Variants in SNTB1 observed in about 807,000 individuals in gnomAD.
SNTB1 encodes the protein syntrophin beta 1, also known as beta-1-syntrophin.
A neutral mutation model predicts 48.9 loss-of-function variants in SNTB1; 36 were observed. That is an observed-to-expected ratio of 0.74 (90% CI 0.56 to 0.97). The LOEUF is 0.97. Among genes scored for constraint, SNTB1 ranks in the 50% least tolerant of loss-of-function variants. SNTB1 has a pLI of 0.00. For missense variants in SNTB1, 786 were observed against 703.4 expected, an observed-to-expected ratio of 1.12 and a Z score of -1.33; for synonymous variants, 299 against 294.6, an observed-to-expected ratio of 1.01 and a Z score of -0.15.
At chr8:120,810,725 G>C (rs899388363) in intron 1 of SNTB1, among the ~76,000 whole-genome samples, 3 of 152,148 alleles carry the variant, frequency 2.0e-5, no homozygotes, top group African/African-American at 7.2e-5. Flanking sequence ...GATAGTCGGA[G>C]TTTTAGCATT....
chr8:120,706,582 A>C (rs997992849), intron 1 of SNTB1, among the ~76,000 whole-genome samples: 9 of 152,234 alleles, frequency 5.9e-5, no homozygotes, highest in African/African-American at 2.2e-4. Context: ...TAACTATTTT[A>C]ACAGCTATAC....
intron 1 of SNTB1, among the ~76,000 whole-genome samples, chr8:120,751,243 G>A (rs1289605795): frequency 6.6e-6 from 1 of 152,060 alleles, no homozygotes; most frequent in African/African-American, 2.4e-5. Flanking sequence ...AATTTTGATG[G>A]AAATCTGATA....
At chr8:120,715,577 G>A (rs1309241447) in intron 1 of SNTB1, among the ~76,000 whole-genome samples, 2 of 152,124 alleles carry the variant, frequency 1.3e-5, no homozygotes, top group African/African-American at 2.4e-5. Flanking sequence ...ATGCCTAGAA[G>A]GTATTATAAA....
intron 1 of SNTB1, among the ~76,000 whole-genome samples, chr8:120,785,439 G>A (rs1039842597): frequency 1.4e-4 from 21 of 152,202 alleles, no homozygotes; most frequent in African/African-American, 4.3e-4. Context: ...CGTGGGAGCT[G>A]AGTGCAGCTT....
intron 3 of SNTB1, among the ~76,000 whole-genome samples, chr8:120,598,879 G>A (rs973098650): frequency 4.6e-5 from 7 of 151,914 alleles, no homozygotes; most frequent in African/African-American, 1.2e-4. Context: ...TGCTTCCATC[G>A]CACGGCTCCT....
At chr8:120,709,557 A>G (rs796197471) in intron 1 of SNTB1, among the ~76,000 whole-genome samples, 13 of 152,328 alleles carry the variant, frequency 8.5e-5, no homozygotes, top group African/African-American at 3.1e-4. Context: ...AGGGTTTTAC[A>G]TAGATTACAT....
intron 3 of SNTB1, among the ~76,000 whole-genome samples, chr8:120,575,571 T>C (rs767234419): frequency 7.9e-5 from 12 of 152,212 alleles, no homozygotes; most frequent in African/African-American, 2.4e-4. Context: ...ACTGGTACAG[T>C]AGCATTTTTT....
At chr8:120,742,842 G>A (rs1041487474) in intron 1 of SNTB1, among the ~76,000 whole-genome samples, 1 of 152,160 alleles carries the variant, frequency 6.6e-6, no homozygotes, top group Non-Finnish European at 1.5e-5. Flanking sequence ...TCTGGGTCTT[G>A]CAGAGAGTGG....
intron 2 of SNTB1, among the ~76,000 whole-genome samples, chr8:120,662,974 G>A (rs1563845106): frequency 2.2e-5 from 3 of 135,172 alleles, no homozygotes; most frequent in African/African-American, 8.0e-5. Flanking sequence ...ACTTCAAAGA[G>A]CTCACTGTCC....
chr8:120,571,489 T>TG lies in SNTB1; in HGVS notation c.1136+3596_1136+3597insC, dbSNP rs1394945618. The TG allele has an allele frequency of 1.9e-3, 113 of 58,278 alleles. 4 individuals are homozygous for TG. The highest frequency in any genetic ancestry group is 8.3e-3 in the African/African-American group (107 of 12,852). 3.6% of individuals were successfully genotyped at this position (58,278 alleles called of 1,614,324 possible). On this transcript the variant is annotated intron_variant, in intron 4 of 6. Coordinates refer to ENST00000517992, the MANE Select transcript of SNTB1 (RefSeq NM_021021.4). Reference sequence around the variant, plus strand: ...TTCTGACTATTGAGGGTTTTTTTTTTTTTTTTTTTTTTTTTTTTTTTTTTT... The same window carrying TG: ...TTCTGACTATTGAGGGTTTTTTTTTTGTTTTTTTTTTTTTTTTTTTTTTTTT...
At position 120,811,637 on chromosome 8, in the gene SNTB1, G is replaced by A; in HGVS notation, c.207C>T (p.Cys69=). The change falls in exon 1 of 7, where the codon TGC becomes TGT. Residue 69 remains cysteine (C), a synonymous_variant. Coordinates refer to ENST00000517992, the MANE Select transcript of SNTB1 (RefSeq NM_021021.4). ...CCGGGTGCCCAGCCCCGGCGCCCCT[G>A]CAGAACGAGCCATTGGTGGCGGTCC... ...GIGTATNGSF[C]RGAGAGHPGA... is the part of the protein sequence containing the mutation. 2 of 1,594,306 alleles carry A rather than the reference G, an allele frequency of 1.3e-6. No homozygotes were observed. The highest frequency in any genetic ancestry group is 1.7e-6 in the Non-Finnish European group (2 of 1,173,904).
At chr8:120,809,549 G>C (rs1820392297) in intron 1 of SNTB1, among the ~76,000 whole-genome samples, 1 of 152,020 alleles carries the variant, frequency 6.6e-6, no homozygotes, top group Non-Finnish European at 1.5e-5. Flanking sequence ...CATTAAAAGA[G>C]GAAGAAAAGA....
At chr8:120,549,105 A>G in intron 4 of SNTB1, 147 bp from the exon 5 acceptor site, 1 of 613,096 alleles carries the variant, frequency 1.6e-6, no homozygotes, top group South Asian at 2.5e-5. Context: ...CTCTTCTGCC[A>G]TCTCCTCTCC....
intron 1 of SNTB1, among the ~76,000 whole-genome samples, chr8:120,756,789 A>T (rs576212480): frequency 6.6e-6 from 1 of 152,270 alleles, no homozygotes; most frequent in African/African-American, 2.4e-5. Flanking sequence ...CTGGAGGTAG[A>T]AAACAAGAGA....
At chr8:120,587,296 G>T (rs1156809177) in intron 3 of SNTB1, among the ~76,000 whole-genome samples, 1 of 152,130 alleles carries the variant, frequency 6.6e-6, no homozygotes, top group Non-Finnish European at 1.5e-5. Flanking sequence ...AATGTTTTAT[G>T]GGAGGAAATT....
At position 120,811,495 on chromosome 8, in the gene SNTB1, T is replaced by C; in HGVS notation, c.349A>G (p.Lys117Glu). The C allele has an allele frequency of 6.2e-7, 1 of 1,613,800 alleles. No individual in the cohort carries two copies. Among genetic ancestry groups the C allele is most frequent in the Non-Finnish European group, 8.5e-7 (1 of 1,179,864 alleles). Residue 117 changes from lysine to glutamate, a missense_variant, in exon 1 of 7, where the codon AAG (lysine) becomes GAG (glutamate). Coordinates refer to ENST00000517992, the MANE Select transcript of SNTB1 (RefSeq NM_021021.4). ...SNQKRGVKVLKQELGGLGISI... is the reference protein window; with the variant it reads ...SNQKRGVKVLEQELGGLGISI... ...ATCCCCAGCCCGCCCAGCTCCTGCT[T>C]CAGCACCTTCACGCCACGCTTCTGG...
At chr8:120,659,074 C>A (rs528083569) in intron 2 of SNTB1, among the ~76,000 whole-genome samples, 76 of 152,112 alleles carry the variant, frequency 5.0e-4, no homozygotes, top group African/African-American at 1.8e-3. Flanking sequence ...AGTGATTCTC[C>A]TGCCTTAGCC....
At position 120,614,976 on chromosome 8, in the gene SNTB1, TAAAAA is replaced by T. The variant is rs61318757; in HGVS notation, c.996+17463_996+17467del. Among the ~76,000 whole-genome samples, 6 of 73,258 alleles carry T rather than the reference TAAAAA, an allele frequency of 8.2e-5. No individual in the cohort carries two copies. In the Admixed American group the frequency reaches 9.7e-4, roughly 12 times the overall value. The allele number at this position is 73,258 out of a possible 152,430, so 48.1% of individuals were successfully genotyped here. On this transcript the variant is annotated intron_variant, in intron 3 of 6. Coordinates refer to ENST00000517992, the MANE Select transcript of SNTB1 (RefSeq NM_021021.4). ...CAACATGGTGAAATCTCACCTCTACTAAAAAAAAAAAAAAAAAAAAAAAAATTAGC... is the reference window on the plus strand; with the variant it reads ...CAACATGGTGAAATCTCACCTCTACTAAAAAAAAAAAAAAAAAAAATTAGC...
intron 3 of SNTB1, among the ~76,000 whole-genome samples, chr8:120,587,748 A>C (rs903211976): frequency 1.3e-5 from 2 of 152,130 alleles, no homozygotes; most frequent in Non-Finnish European, 2.9e-5. Context: ...ATTTCCCTTC[A>C]TTAGGTGTGA....
Sources: gnomAD v4.1 joint callset for allele counts (sites outside exome capture counted in the v4.1 genomes callset) on GRCh38, gnomAD v4.1.1 for gene constraint, MANE v1.5 for transcripts, NCBI Gene and HGNC (gene_info 2026-07-23, HGNC 2026-07-21) for gene names.